The following AGRN variants were observed in gnomAD, a reference collection of about 807,000 sequenced individuals.
AGRN encodes the protein agrin proteoglycan.
Under a neutral mutation model 211.0 loss-of-function variants are expected in AGRN, and 106 were observed. The ratio of observed to expected loss-of-function variants is 0.50; its 90% CI spans 0.43 to 0.59. AGRN has a LOEUF of 0.59. Among genes scored for constraint, AGRN ranks in the 20% least tolerant of loss-of-function variants. The probability of loss-of-function intolerance (pLI) is 0.00; values close to 1 mark genes in which losing one functional copy is unlikely to be tolerated. For synonymous variants in AGRN, 1,525 were observed against 1,332.5 expected (o/e 1.14, Z -3.15); for missense variants, 3,040 against 2,982.6 (o/e 1.02, Z -0.45).
rs1318423442 is a variant in AGRN at position 1,022,280 on chromosome 1, T to C, written c.281T>C (p.Ile94Thr). 1 of 1,613,260 alleles carries C rather than the reference T, an allele frequency of 6.2e-7. No homozygotes were observed. The highest frequency in any genetic ancestry group is 8.5e-7 in the Non-Finnish European group (1 of 1,180,010). ...SLLDGGNKVV[I>T]SGFGDPLICD... ...CTGGACGGCGGCAACAAGGTGGTGATCAGCGGCTTTGGAGACCCCCTCATC... is the reference window on the plus strand; with the variant it reads ...CTGGACGGCGGCAACAAGGTGGTGACCAGCGGCTTTGGAGACCCCCTCATC... Residue 94 changes from isoleucine (I) to threonine (T), a missense_variant, in exon 2 of 36, where the codon ATC (isoleucine) becomes ACC (threonine). Ile to Thr is a moderately conservative substitution (Grantham distance 89, BLOSUM62 -1). Transcript: ENST00000379370.
chr1:1,042,673 G>A (rs1411468270), intron 7 of AGRN, among the ~76,000 whole-genome samples: 2 of 152,142 alleles, frequency 1.3e-5, no homozygotes, highest in East Asian at 3.9e-4. Context: ...TGTCGGCTCC[G>A]CCTCTTGTGT....
In AGRN at chr1:1,042,121, G is replaced by A. The variant is rs772102866; in HGVS notation, c.1343G>A (p.Arg448Gln). Residue 448 changes from arginine to glutamine, a missense_variant, in exon 7 of 36, where the codon CGG becomes CAG. Arg to Gln is a conservative substitution (Grantham distance 43, BLOSUM62 1). Coordinates refer to ENST00000379370, the MANE Select transcript of AGRN (RefSeq NM_198576.4). ...SDCWRQQAEC[R>Q]QQRAIPSKHQ... ...TGCTGGCGGCAGCAGGCTGAGTGCC[G>A]GCAGCAGCGTGCCATCCCCAGCAAG... is the stretch of plus-strand genomic sequence containing the variant. 37 of 1,600,864 alleles carry A rather than the reference G, an allele frequency of 2.3e-5. No homozygotes were observed. In the East Asian group the frequency reaches 3.8e-4, roughly 16 times the overall value.
In AGRN at chr1:1,051,721, C is replaced by T; in HGVS notation, c.5564-7C>T. On this transcript the variant is annotated splice_polypyrimidine_tract_variant and splice_region_variant and intron_variant, in intron 32 of 35. Transcript: ENST00000379370. ...CGAGGCCCCACCCTCACCTGCCTAT[C>T]TCACAGGGCTGGTGGAGAAGTCAGC... 4 of 1,613,704 alleles carry T rather than the reference C, an allele frequency of 2.5e-6. No homozygotes were observed. The highest frequency in any genetic ancestry group is 3.4e-6 in the Non-Finnish European group (4 of 1,179,974).
At position 1,055,616 on chromosome 1, in the gene AGRN, C is replaced by T. The variant is rs1557728791; in HGVS notation, c.*635C>T. On this transcript the variant is annotated 3_prime_UTR_variant, in exon 36 of 36. Coordinates refer to ENST00000379370, the MANE Select transcript of AGRN (RefSeq NM_198576.4). ...AGCCACCCTGGACGTGACCGTATCC[C>T]TCTGCCACACCCCAGGCCCTGCGAG... 6 of 171,184 alleles carry T rather than the reference C, an allele frequency of 3.5e-5. No individual in the cohort carries two copies. The highest frequency in any genetic ancestry group is 5.1e-5 in the Non-Finnish European group (4 of 79,082). 10.6% of individuals were successfully genotyped at this position (171,184 alleles called of 1,614,324 possible). A position where few individuals can be genotyped will look rare whatever the true frequency, so the allele number is the denominator to read the frequency against.
chr1:1,054,079 A>T, intron 34 of AGRN, 102 bp downstream of exon 34: 1 of 1,295,300 alleles, frequency 7.7e-7, no homozygotes, highest in African/African-American at 1.5e-5. Context: ...CAGGGAGGAC[A>T]CGCCTTGCTG....
chr1:1,049,880 C>G (rs375895694), intron 26 of AGRN, 23 bp from the exon 27 acceptor site: 79 of 1,610,982 alleles, frequency 4.9e-5, no homozygotes, highest in Non-Finnish European at 5.5e-5. Context: ...ACCTCGGTCC[C>G]GGTCCCGTCT....
rs757057339 is a variant in AGRN at position 1,046,221 on chromosome 1, G to T, written c.2867G>T (p.Arg956Leu). 1.9e-6 allele frequency: 3 copies of T among 1,613,592 alleles called. No homozygotes were observed. The highest frequency in any genetic ancestry group is 2.5e-6 in the Non-Finnish European group (3 of 1,179,992). ...TGTCAGCTGAAGACCATCGCCTGCC[G>T]CCAGGGCCTGCAAATCTCTATCCAG... ...NECQLKTIAC[R>L]QGLQISIQSL... The change falls in exon 17 of 36, where the codon CGC (arginine) becomes CTC (leucine). Residue 956 changes from arginine to leucine, a missense_variant. Transcript: ENST00000379370.
intron 2 of AGRN, chr1:1,034,942 C>A: frequency 2.2e-6 from 1 of 457,252 alleles, no homozygotes; most frequent in South Asian, 3.0e-5. Flanking sequence ...GGGCAGCCGG[C>A]TACACTGAGA....
rs1225103023 is a variant in AGRN, at chr1:1,031,348, ACT to A, written c.464-3926_464-3925del. Among the ~76,000 whole-genome samples the A allele has an allele frequency of 5.3e-5, 8 of 152,080 alleles. No individual in the cohort carries two copies. The highest frequency in any genetic ancestry group is 2.1e-4 in the South Asian group (1 of 4,818). Reference sequence around the variant, plus strand: ...TGAGATCAGGGACCAGGGGGCTAGTACTCTTTCCTGCACATGAGCCTGCGTGG... The same window carrying A: ...TGAGATCAGGGACCAGGGGGCTAGTACTTTCCTGCACATGAGCCTGCGTGG... On this transcript the variant is annotated intron_variant, in intron 2 of 35. Transcript: ENST00000379370. The surrounding 1 kb of genome is among the most constrained non-coding windows in gnomAD (Gnocchi z 4.8).
Position 1,054,839 on chromosome 1 carries a change from T to C in AGRN, c.5996T>C (p.Leu1999Pro). The change falls in exon 36 of 36, where the codon CTG becomes CCG. Residue 1999 changes from leucine to proline, a missense_variant. Leu to Pro is a moderately conservative substitution (Grantham distance 98, BLOSUM62 -3). Around this residue, in one of 3 missense-constraint regions of AGRN, gnomAD observed 1,537 missense variants for 1,505.0 expected, o/e 1.02. Transcript: ENST00000379370. The stretch of plus-strand genomic sequence containing the variant: ...TGTGCTGCAGGGGGCCTGCCGGAGC[T>C]GCCCGTGGGCCCAGCACTGCCCAAG... The part of the protein sequence containing the change: ...GALWLGGLPE[L>P]PVGPALPKAY... The C allele has an allele frequency of 6.4e-7, 1 of 1,559,666 alleles. No homozygotes were observed. Among genetic ancestry groups the C allele is most frequent in the Non-Finnish European group, 8.7e-7 (1 of 1,153,832 alleles).
chr1:1,039,099 C>T (rs943367091), intron 3 of AGRN, among the ~76,000 whole-genome samples: 4 of 152,220 alleles, frequency 2.6e-5, no homozygotes, highest in Non-Finnish European at 5.9e-5. Context: ...GAAGGGGATA[C>T]TGAGGCCCAG....
intron 2 of AGRN, chr1:1,034,404 A>G: frequency 2.0e-6 from 2 of 985,660 alleles, no homozygotes; most frequent in Non-Finnish European, 1.2e-6. Flanking sequence ...TGGCACCCCC[A>G]GGGCTGTGAC....
chr1:1,034,370 G>T (rs1644749793), intron 2 of AGRN: 19 of 985,420 alleles, frequency 1.9e-5, no homozygotes, highest in Non-Finnish European at 2.0e-5. Flanking sequence ...CCCACGATGA[G>T]CCTGGAGGAC....
Position 1,043,671 on chromosome 1 carries a change from G to T in AGRN, c.1737G>T (p.Met579Ile). 1 of 1,601,096 alleles carries T rather than the reference G, an allele frequency of 6.2e-7. No homozygotes were observed. Residue 579 changes from methionine to isoleucine, a missense_variant, in exon 9 of 36, where the codon ATG becomes ATT. Around this residue, in one of 3 missense-constraint regions of AGRN, gnomAD observed 1,498 missense variants for 1,457.8 expected, o/e 1.03. Transcript: ENST00000379370. Reference protein sequence around the residue: ...SDGHTYPSECMLHVHACTHQI... With the variant: ...SDGHTYPSECILHVHACTHQI... The stretch of plus-strand genomic sequence containing the variant: ...GGCACACGTACCCCAGCGAGTGCAT[G>T]CTGCACGTGCACGCCTGCACACACC...
At chr1:1,045,667 C>T (rs1428027970) in intron 14 of AGRN, 66 bp from the exon 15 acceptor site, 10 of 1,611,966 alleles carry the variant, frequency 6.2e-6, no homozygotes, top group Middle Eastern at 3.3e-4. Flanking sequence ...GGGGACCAGG[C>T]TCTGGAGGAG....
intron 7 of AGRN, 45 bp from the exon 8 acceptor site, chr1:1,043,194 G>A (rs200992858): frequency 7.7e-6 from 12 of 1,557,800 alleles, no homozygotes; most frequent in Middle Eastern, 1.7e-4. Flanking sequence ...TGCCTGCAGC[G>A]GAGGGGGGGC....
chr1:1,040,744 C>G lies in AGRN; in HGVS notation c.591C>G (p.Cys197Trp). ...AEGPGRASCV[C>W]KKSPCPSVVA... The stretch of plus-strand genomic sequence containing the variant: ...GGCCGGGCCGGGCGTCCTGCGTCTG[C>G]AAGAAGAGCCCGTGCCCCAGCGTGG... Residue 197 changes from cysteine (C) to tryptophan (W), a missense_variant, in exon 4 of 36, where the codon TGC (cysteine) becomes TGG (tryptophan). By Grantham distance (215) the Cys-to-Trp change is radical. Around this residue, in one of 3 missense-constraint regions of AGRN, gnomAD observed 1,498 missense variants for 1,457.8 expected, o/e 1.03. Coordinates refer to ENST00000379370, the MANE Select transcript of AGRN (RefSeq NM_198576.4). 1.3e-6 allele frequency: 2 copies of G among 1,544,592 alleles called. No homozygotes were observed. The highest frequency in any genetic ancestry group is 1.7e-6 in the Non-Finnish European group (2 of 1,147,264).
In AGRN at chr1:1,054,531, C is replaced by G; in HGVS notation, c.5960C>G (p.Thr1987Ser). 2 of 1,600,638 alleles carry G rather than the reference C, an allele frequency of 1.2e-6. No homozygotes were observed. Among genetic ancestry groups the G allele is most frequent in the Non-Finnish European group, 1.7e-6 (2 of 1,174,840 alleles). Reference sequence around the variant, plus strand: ...CCGCTGGGCGCCACGCAGCTGGACACTGATGGAGCCCTGTGGCTTGGTGAG... The same window carrying G: ...CCGCTGGGCGCCACGCAGCTGGACAGTGATGGAGCCCTGTGGCTTGGTGAG... ...SSPLGATQLD[T>S]DGALWLGGLP... Residue 1987 changes from threonine to serine, a missense_variant, in exon 35 of 36, where the codon ACT becomes AGT. By Grantham distance (58) the Thr-to-Ser change is moderately conservative. This residue lies in a region of AGRN where 1,537 missense variants were observed against 1,505.0 expected (regional missense o/e 1.02). Transcript: ENST00000379370.
intron 2 of AGRN, chr1:1,034,096 C>T (rs572104892): frequency 3.1e-6 from 3 of 983,516 alleles, no homozygotes; most frequent in Non-Finnish European, 3.6e-6. Flanking sequence ...ACGCGGCCGC[C>T]CCTCCTGCCT....
Sources: gnomAD v4.1 joint callset for allele counts (sites outside exome capture counted in the v4.1 genomes callset) on GRCh38, gnomAD v4.1.1 for gene constraint, gnomAD v4.1.1 regional missense constraint, Gnocchi (gnomAD v3.1) non-coding constraint, MANE v1.5 for transcripts, NCBI Gene and HGNC (gene_info 2026-07-23, HGNC 2026-07-21) for gene names.